Variants in ITSN2 observed in about 807,000 individuals in gnomAD.
ITSN2 encodes the protein intersectin 2, also known as intersectin-2.
Under a neutral mutation model 243.7 loss-of-function variants are expected in ITSN2, and 156 were observed. The ratio of observed to expected loss-of-function variants is 0.64; its 90% CI spans 0.56 to 0.73. The LOEUF (loss-of-function observed/expected upper bound fraction) is 0.73. Among genes scored for constraint, ITSN2 ranks in the 30% least tolerant of loss-of-function variants. ITSN2 has a pLI of 0.00. For synonymous variants in ITSN2, 703 were observed against 699.9 expected, an observed-to-expected ratio of 1.00 and a Z score of -0.07; for missense variants, 1,801 against 1,996.1, an observed-to-expected ratio of 0.90 and a Z score of 1.86.
chr2:24,242,383 A>C (rs1672829378), intron 29 of ITSN2, among the ~76,000 whole-genome samples: 1 of 152,338 alleles, frequency 6.6e-6, no homozygotes, highest in Middle Eastern at 3.4e-3. Flanking sequence ...AAAGGGCCAA[A>C]GAAACACAAA....
intron 1 of ITSN2, chr2:24,330,332 G>A (rs1438488862): frequency 2.1e-6 from 1 of 465,976 alleles, no homozygotes. Flanking sequence ...ACGAACCCCG[G>A]ACTGACCAAA....
At chr2:24,345,490 A>G (rs1687440177) in intron 1 of ITSN2, among the ~76,000 whole-genome samples, 2 of 152,338 alleles carry the variant, frequency 1.3e-5, no homozygotes, top group East Asian at 1.9e-4. Flanking sequence ...TTCTTCTAAG[A>G]TAATACCCAT....
At chr2:24,357,884 A>G (rs551887184) in intron 1 of ITSN2, among the ~76,000 whole-genome samples, 34 of 152,268 alleles carry the variant, frequency 2.2e-4, no homozygotes, top group Admixed American at 1.8e-3. Context: ...CACTAAACAC[A>G]TATTTTTTAC....
intron 29 of ITSN2, among the ~76,000 whole-genome samples, chr2:24,232,532 G>T (rs1300138740): frequency 1.3e-5 from 2 of 152,154 alleles, no homozygotes; most frequent in Admixed American, 6.5e-5. Flanking sequence ...GAGTTAATGT[G>T]AGATGCAGGA....
At chr2:24,284,885 AG>A in intron 16 of ITSN2, 42 bp from the exon 17 acceptor site, 1 of 885,266 alleles carries the variant, frequency 1.1e-6, no homozygotes, top group South Asian at 1.6e-5. Context: ...AACTACGTAC[AG>A]AATTTTTTTT....
At chr2:24,271,636 A>AT (rs1677359107) in intron 19 of ITSN2, 130 bp downstream of exon 19, 1 of 1,182,550 alleles carries the variant, frequency 8.5e-7, no homozygotes, top group African/African-American at 1.6e-5. Flanking sequence ...TCCAAGTTTA[A>AT]TTTATAAAAA....
At chr2:24,210,686 T>A in intron 34 of ITSN2, 94 bp downstream of exon 34, 1 of 1,109,568 alleles carries the variant, frequency 9.0e-7, no homozygotes. Context: ...GCAGGCTGCC[T>A]AAGGTGCAGA....
intron 18 of ITSN2, among the ~76,000 whole-genome samples, chr2:24,273,319 T>G (rs1465100034): frequency 6.6e-6 from 1 of 152,204 alleles, no homozygotes; most frequent in African/African-American, 2.4e-5. Context: ...AAAACGGACT[T>G]CTGGTTCTCC....
At chr2:24,304,466 A>G (rs1682221266) in intron 8 of ITSN2, among the ~76,000 whole-genome samples, 1 of 152,236 alleles carries the variant, frequency 6.6e-6, no homozygotes, top group Non-Finnish European at 1.5e-5. Flanking sequence ...TTTATATTTT[A>G]TAACTTTTAA....
At chr2:24,257,177 A>C (rs1188220877) in intron 23 of ITSN2, among the ~76,000 whole-genome samples, 1 of 151,954 alleles carries the variant, frequency 6.6e-6, no homozygotes, top group Non-Finnish European at 1.5e-5. Flanking sequence ...AAAATAAGCC[A>C]GGCATGGTAG....
intron 18 of ITSN2, among the ~76,000 whole-genome samples, chr2:24,272,216 C>A (rs943895571): frequency 2.0e-5 from 3 of 152,192 alleles, no homozygotes; most frequent in Admixed American, 6.5e-5. Flanking sequence ...TAACCAACCT[C>A]CAAACTCAAG....
chr2:24,355,070 C>A (rs1688325070), intron 1 of ITSN2, among the ~76,000 whole-genome samples: 1 of 152,068 alleles, frequency 6.6e-6, no homozygotes. Context: ...TCCTCCCTTC[C>A]TCTCCCACTT....
At chr2:24,212,583 T>C in intron 33 of ITSN2, 67 bp downstream of exon 33, 4 of 1,239,708 alleles carry the variant, frequency 3.2e-6, no homozygotes, top group Non-Finnish European at 4.5e-6. Context: ...CCTGAGGATC[T>C]GGCCTCTGTG....
At chr2:24,274,403 C>T (rs1018354218) in intron 18 of ITSN2, among the ~76,000 whole-genome samples, 3 of 152,028 alleles carry the variant, frequency 2.0e-5, no homozygotes, top group Non-Finnish European at 4.4e-5. Context: ...GGCCTCATCC[C>T]TATTAAAATT....
intron 39 of ITSN2, 103 bp from the exon 40 acceptor site, chr2:24,203,886 C>T: frequency 8.0e-7 from 1 of 1,256,392 alleles, no homozygotes. Context: ...AAATCTGAAA[C>T]AAGGAACTTC....
chr2:24,334,645 G>C lies in ITSN2; in HGVS notation c.-33-6530C>G, dbSNP rs1226364042. On this transcript the variant is annotated intron_variant, in intron 1 of 39. Transcript: ENST00000355123. ...GGAAAGTGGTGTTATACAGGAAGCAGAGTGGTTATGGTGGGCAAACTAAGC... is the reference window on the plus strand; with the variant it reads ...GGAAAGTGGTGTTATACAGGAAGCACAGTGGTTATGGTGGGCAAACTAAGC... The C allele has an allele frequency of 4.5e-6, 6 of 1,345,350 alleles. No homozygotes were observed. The East Asian group carries it at 1.2e-4, about 26-fold the overall frequency. 83.3% of individuals were successfully genotyped at this position (1,345,350 alleles called of 1,614,324 possible). A position where few individuals can be genotyped will look rare whatever the true frequency, so the allele number is the denominator to read the frequency against.
chr2:24,285,958 T>A (rs1389405833), intron 16 of ITSN2, among the ~76,000 whole-genome samples: 1 of 152,154 alleles, frequency 6.6e-6, no homozygotes, highest in Non-Finnish European at 1.5e-5. Flanking sequence ...TCTGGAAATG[T>A]ATAGATGCCA....
chr2:24,340,721 T>C (rs1172394791), intron 1 of ITSN2, among the ~76,000 whole-genome samples: 4 of 152,028 alleles, frequency 2.6e-5, no homozygotes, highest in African/African-American at 4.8e-5. Flanking sequence ...TGTGTCATTA[T>C]AGATCCTGTG....
At position 24,252,450 on chromosome 2, in the gene ITSN2, A is replaced by G. The variant is rs758490141; in HGVS notation, c.3015T>C (p.Gly1005=). The G allele has an allele frequency of 7.4e-6, 12 of 1,612,578 alleles. No homozygotes were observed. In the East Asian group the frequency reaches 2.5e-4, roughly 33 times the overall value. ...CTTTCTGGGTCACCAATATTTCTTC[A>G]CCTTCTGTGAAAGTCAAATCTCCAG... ...VEPGDLTFTE[G]EEILVTQKDG... Residue 1005 remains glycine (G), a synonymous_variant, in exon 25 of 40, where the codon GGT becomes GGC. Coordinates refer to ENST00000355123, the MANE Select transcript of ITSN2 (RefSeq NM_006277.3).
Sources: allele counts gnomAD v4.1 joint callset (sites outside exome capture counted in the v4.1 genomes callset), GRCh38; gene constraint gnomAD v4.1.1; transcripts MANE v1.5; gene names NCBI Gene and HGNC (gene_info 2026-07-23, HGNC 2026-07-21).